Variants in USP32 observed in about 807,000 individuals in gnomAD.
USP32 encodes ubiquitin carboxyl-terminal hydrolase 32.
In USP32, 59 loss-of-function variants were observed where a neutral mutation model predicts 204.8. That is an observed-to-expected ratio of 0.29 (90% confidence interval 0.23 to 0.36). The LOEUF (loss-of-function observed/expected upper bound fraction) is 0.36, where lower values mean the gene tolerates loss of function less well. Among genes scored for constraint, USP32 ranks in the 10% least tolerant of loss-of-function variants. The pLI is 1.00. For missense variants in USP32, 1,160 were observed against 1,946.4 expected (o/e 0.60, Z 7.60); for synonymous variants, 517 against 678.4 (o/e 0.76, Z 3.70).
intron 27 of USP32, among the ~76,000 whole-genome samples, chr17:60,194,345 C>T (rs2084460332): frequency 6.6e-6 from 1 of 152,278 alleles, no homozygotes; most frequent in Non-Finnish European, 1.5e-5. Context: ...CACCCTACCC[C>T]CTGCACTTTG....
intron 1 of USP32, among the ~76,000 whole-genome samples, chr17:60,401,160 TAA>T (rs1196742613): frequency 5.5e-5 from 7 of 127,804 alleles, no homozygotes; most frequent in Non-Finnish European, 5.1e-5. Flanking sequence ...AGACCCTGTC[TAA>T]AAAAAAAAAA....
At chr17:60,266,146 T>C (rs2086585955) in intron 7 of USP32, 55 bp from the exon 8 acceptor site, 1 of 1,380,424 alleles carries the variant, frequency 7.2e-7, no homozygotes, top group Non-Finnish European at 1.0e-6. Flanking sequence ...TGAGGTATAA[T>C]ATATTTTACT....
chr17:60,262,325 G>A (rs1242686968), intron 9 of USP32, among the ~76,000 whole-genome samples: 1 of 152,118 alleles, frequency 6.6e-6, no homozygotes, highest in Non-Finnish European at 1.5e-5. Flanking sequence ...CTGAGTAGCT[G>A]GAATTACAGA....
intron 2 of USP32, among the ~76,000 whole-genome samples, chr17:60,338,682 A>G (rs539137802): frequency 1.6e-4 from 25 of 152,162 alleles, no homozygotes; most frequent in Non-Finnish European, 3.1e-4. Context: ...GTGAGCCGAA[A>G]TTGCACCACT....
intron 5 of USP32, among the ~76,000 whole-genome samples, chr17:60,286,410 C>T (rs2087113023): frequency 6.6e-6 from 1 of 152,108 alleles, no homozygotes; most frequent in Non-Finnish European, 1.5e-5. Context: ...CAGAGAAGGC[C>T]ATGTGAAGAC....
At chr17:60,214,946 C>G (rs1048491770) in intron 16 of USP32, among the ~76,000 whole-genome samples, 172 bp from the exon 17 acceptor site, 2 of 150,334 alleles carry the variant, frequency 1.3e-5, no homozygotes, top group African/African-American at 4.9e-5. Flanking sequence ...GGCAGGAGAC[C>G]CAAGTTCTTT....
At chr17:60,228,626 C>T (rs1226710721) in intron 12 of USP32, among the ~76,000 whole-genome samples, 4 of 149,438 alleles carry the variant, frequency 2.7e-5, no homozygotes, top group Admixed American at 1.3e-4. Flanking sequence ...GAGACCAGCC[C>T]GAGCAACGTG....
Position 60,363,226 on chromosome 17 carries a change from G to A in USP32, c.59-17618C>T, listed in dbSNP as rs564956724. Among the ~76,000 whole-genome samples the A allele has an allele frequency of 9.2e-5, 14 of 151,842 alleles. No individual in the cohort carries two copies. In the East Asian group the frequency reaches 1.2e-3, roughly 13 times the overall value. On this transcript the variant is annotated intron_variant, in intron 1 of 33. Coordinates refer to ENST00000300896, the MANE Select transcript of USP32 (RefSeq NM_032582.4). ...TCCCAGCACTTTGGGAGGCTGAGGC[G>A]GGCAGATTGCCTGAGCTCAGGAGTT...
At chr17:60,289,286 G>A (rs956744030) in intron 4 of USP32, among the ~76,000 whole-genome samples, 5 of 152,156 alleles carry the variant, frequency 3.3e-5, no homozygotes, top group African/African-American at 1.2e-4. Flanking sequence ...GGGATTACAG[G>A]CATGAGCCAC....
At chr17:60,246,413 A>ATTT (rs373810890) in intron 11 of USP32, among the ~76,000 whole-genome samples, 2,118 of 142,686 alleles carry the variant, frequency 0.015, 57 homozygotes, top group African/African-American at 0.053. Context: ...ATATATATAT[A>ATTT]TTTTTTTTTT....
At chr17:60,321,492 TA>T (rs1223920670) in intron 2 of USP32, among the ~76,000 whole-genome samples, 1 of 152,056 alleles carries the variant, frequency 6.6e-6, no homozygotes, top group Non-Finnish European at 1.5e-5. Flanking sequence ...ACTCAGCACA[TA>T]AAGAACCAGG....
In USP32 at chr17:60,178,093, A is replaced by G. The variant is rs1167481828; in HGVS notation, c.*1162T>C. ...TGTAAAATTTAAAAAAAAGACAAATATCAAAATAAAAAAATTAGTGGACAT... is the reference window on the plus strand; with the variant it reads ...TGTAAAATTTAAAAAAAAGACAAATGTCAAAATAAAAAAATTAGTGGACAT... On this transcript the variant is annotated 3_prime_UTR_variant, in exon 34 of 34. Transcript: ENST00000300896. Among the ~76,000 whole-genome samples, 1 of 152,248 alleles carries G rather than the reference A, an allele frequency of 6.6e-6. No homozygotes were observed. Among genetic ancestry groups the G allele is most frequent in the East Asian group, 1.9e-4 (1 of 5,208 alleles).
At chr17:60,294,383 A>AGTGTGTGTGTGTGTGTGTGTGTGTGT (rs60195146) in intron 4 of USP32, among the ~76,000 whole-genome samples, 1 of 146,484 alleles carries the variant, frequency 6.8e-6, no homozygotes, top group African/African-American at 2.5e-5. Context: ...TTCCTGCAGG[A>AGTGTGTGTGTGTGTGTGTGTGTGTGT]GTGTGTGTGT....
intron 1 of USP32, among the ~76,000 whole-genome samples, chr17:60,373,728 G>A (rs2089487813): frequency 6.6e-6 from 1 of 152,030 alleles, no homozygotes; most frequent in South Asian, 2.1e-4. Flanking sequence ...TGGGTTACAA[G>A]CGTGAGCCAC....
At chr17:60,266,813 C>T (rs2086604649) in intron 7 of USP32, among the ~76,000 whole-genome samples, 1 of 151,968 alleles carries the variant, frequency 6.6e-6, no homozygotes. Context: ...TGCCACCATG[C>T]CTGGCTAAGT....
At chr17:60,402,000 T>C (rs1016510386) in intron 1 of USP32, among the ~76,000 whole-genome samples, 1 of 152,154 alleles carries the variant, frequency 6.6e-6, no homozygotes. Context: ...ATGGGCAACC[T>C]TTCTGGAAAA....
At chr17:60,372,377 T>G (rs187535160) in intron 1 of USP32, among the ~76,000 whole-genome samples, 27 of 152,290 alleles carry the variant, frequency 1.8e-4, no homozygotes, top group African/African-American at 5.3e-4. Flanking sequence ...TTAGATGGTA[T>G]AGACTACTAC....
At chr17:60,268,610 T>G (rs1408066076) in intron 7 of USP32, among the ~76,000 whole-genome samples, 1 of 150,972 alleles carries the variant, frequency 6.6e-6, no homozygotes, top group South Asian at 2.1e-4. Flanking sequence ...AAAAAAGATT[T>G]TAGCTTCCTC....
intron 3 of USP32, among the ~76,000 whole-genome samples, chr17:60,298,532 G>A (rs73318868): frequency 0.044 from 6,751 of 151,972 alleles, 540 homozygotes; most frequent in African/African-American, 0.15. Context: ...ATAGTGTATT[G>A]TTTCTTATTT....
Sources: allele counts gnomAD v4.1 joint callset (sites outside exome capture counted in the v4.1 genomes callset), GRCh38; gene constraint gnomAD v4.1.1; transcripts MANE v1.5; gene names NCBI Gene and HGNC (gene_info 2026-07-23, HGNC 2026-07-21).